The following XKR4 variants were observed in gnomAD, a reference collection of about 807,000 sequenced individuals.
XKR4 encodes XK-related protein 4.
XKR4 carries 12 observed loss-of-function variants against 53.9 expected under a neutral mutation model. The observed-to-expected ratio is 0.22, with a 90% confidence interval of 0.14 to 0.36. The LOEUF (loss-of-function observed/expected upper bound fraction) is 0.36, where lower values mean the gene tolerates loss of function less well. Among genes scored for constraint, XKR4 ranks in the 10% least tolerant of loss-of-function variants. The pLI is 1.00. For missense variants in XKR4, 799 were observed against 859.5 expected (o/e 0.93, Z 0.88); for synonymous variants, 354 against 362.4 (o/e 0.98, Z 0.26).
chr8:55,261,589 A>C (rs905910149), intron 1 of XKR4, among the ~76,000 whole-genome samples: 4 of 152,238 alleles, frequency 2.6e-5, no homozygotes, highest in African/African-American at 9.6e-5. Flanking sequence ...AATTGATGGA[A>C]GGTGGCCTTT....
At chr8:55,378,259 C>CA (rs1804178443) in intron 2 of XKR4, among the ~76,000 whole-genome samples, 1 of 152,180 alleles carries the variant, frequency 6.6e-6, no homozygotes, top group South Asian at 2.1e-4. Context: ...GTGGAAATGC[C>CA]AAAAAAGCAA....
intron 1 of XKR4, among the ~76,000 whole-genome samples, chr8:55,189,391 G>A (rs1817416366): frequency 6.6e-6 from 1 of 152,144 alleles, no homozygotes; most frequent in Admixed American, 6.5e-5. Flanking sequence ...GATACATTCT[G>A]AGAAATGCAT....
At chr8:55,165,331 ATAT>A (rs1477943089) in intron 1 of XKR4, among the ~76,000 whole-genome samples, 1 of 152,094 alleles carries the variant, frequency 6.6e-6, no homozygotes, top group East Asian at 1.9e-4. Context: ...ACCTTCATAC[ATAT>A]TATGCACCAT....
chr8:55,279,230 A>G (rs1017977966), intron 1 of XKR4, among the ~76,000 whole-genome samples: 2 of 152,178 alleles, frequency 1.3e-5, no homozygotes, highest in African/African-American at 2.4e-5. Flanking sequence ...CTTTCAAGTG[A>G]AGCTTGAAAA....
intron 1 of XKR4, among the ~76,000 whole-genome samples, chr8:55,308,275 T>C (rs192546095): frequency 6.6e-6 from 1 of 151,942 alleles, no homozygotes; most frequent in East Asian, 1.9e-4. Flanking sequence ...TGAAAATAAA[T>C]AAATAAAGAT....
At chr8:55,128,946 G>A (rs2129352830) in intron 1 of XKR4, among the ~76,000 whole-genome samples, 1 of 152,272 alleles carries the variant, frequency 6.6e-6, no homozygotes, top group Admixed American at 6.5e-5. Flanking sequence ...CCAACATTTT[G>A]TTTATAGGAT....
At chr8:55,301,549 A>T (rs547832296) in intron 1 of XKR4, among the ~76,000 whole-genome samples, 35 of 152,154 alleles carry the variant, frequency 2.3e-4, no homozygotes, top group South Asian at 1.4e-3. Flanking sequence ...TTTCTAGTTC[A>T]AGATCCCTGA....
intron 1 of XKR4, among the ~76,000 whole-genome samples, chr8:55,346,413 C>T (rs550759780): frequency 6.6e-6 from 1 of 152,148 alleles, no homozygotes; most frequent in Non-Finnish European, 1.5e-5. Flanking sequence ...CCTCAATTCA[C>T]ATAGTTTTTT....
intron 2 of XKR4, among the ~76,000 whole-genome samples, chr8:55,458,604 T>C: frequency 6.6e-6 from 1 of 152,154 alleles, no homozygotes. Context: ...TTATTGCCAA[T>C]GAAAGTGGCT....
At chr8:55,424,439 T>A (rs1337007964) in intron 2 of XKR4, among the ~76,000 whole-genome samples, 1 of 152,222 alleles carries the variant, frequency 6.6e-6, no homozygotes, top group Non-Finnish European at 1.5e-5. Context: ...ATTATGCACA[T>A]TTTACAGGCA....
intron 1 of XKR4, among the ~76,000 whole-genome samples, chr8:55,163,119 C>G (rs896666970): frequency 6.6e-6 from 1 of 152,210 alleles, no homozygotes; most frequent in African/African-American, 2.4e-5. Flanking sequence ...GAATGTCTCT[C>G]TCCCTAAAAT....
chr8:55,188,892 C>G (rs561252066), intron 1 of XKR4, among the ~76,000 whole-genome samples: 2 of 152,320 alleles, frequency 1.3e-5, no homozygotes, highest in South Asian at 4.1e-4. Context: ...AATACAGAAT[C>G]TATCCATAAC....
chr8:55,376,119 C>T (rs140325304), intron 2 of XKR4, among the ~76,000 whole-genome samples: 7 of 152,214 alleles, frequency 4.6e-5, no homozygotes, highest in East Asian at 1.9e-4. Flanking sequence ...TTTCTCTAAC[C>T]GTTCTATCAT....
At chr8:55,194,958 T>C (rs1340519757) in intron 1 of XKR4, among the ~76,000 whole-genome samples, 5 of 152,328 alleles carry the variant, frequency 3.3e-5, no homozygotes, top group East Asian at 3.9e-4. Flanking sequence ...CCATGATAGA[T>C]GTCTACGTGA....
chr8:55,254,269 T>C (rs1003279704), intron 1 of XKR4, among the ~76,000 whole-genome samples: 1 of 152,068 alleles, frequency 6.6e-6, no homozygotes. Context: ...AAAATGATTA[T>C]TCACTTGTAC....
intron 1 of XKR4, among the ~76,000 whole-genome samples, chr8:55,144,027 C>T (rs1211743577): frequency 5.3e-5 from 8 of 152,222 alleles, no homozygotes; most frequent in Admixed American, 6.5e-5. Flanking sequence ...TTCAAATCCT[C>T]ATTACTTCAG....
At chr8:55,393,171 C>T (rs573936279) in intron 2 of XKR4, among the ~76,000 whole-genome samples, 40 of 152,024 alleles carry the variant, frequency 2.6e-4, no homozygotes, top group East Asian at 2.5e-3. Flanking sequence ...AGACTGTCTT[C>T]GAATCATAAA....
chr8:55,247,858 T>TCTTTCTTTC (rs1554572236), intron 1 of XKR4, among the ~76,000 whole-genome samples: 44 of 97,786 alleles, frequency 4.5e-4, no homozygotes, highest in African/African-American at 1.4e-3. Context: ...TTTCTTTCTT[T>TCTTTCTTTC]TTTTTTTTTT....
In XKR4 at chr8:55,440,161, A is replaced by G. The variant is rs80125303; in HGVS notation, c.1006+82284A>G. Among the ~76,000 whole-genome samples, 1,464 of 152,330 alleles carry G rather than the reference A, an allele frequency of 9.6e-3. 24 individuals are homozygous for G. Among genetic ancestry groups the G allele is most frequent in the African/African-American group, 0.032 (1,348 of 41,582 alleles). On this transcript the variant is annotated intron_variant, in intron 2 of 2. Transcript: ENST00000327381. ...CAGAATATAGTATGTTTTAGTTACA[A>G]GAGTGAAATATATTTTCATAAAACA...
Sources: allele counts gnomAD v4.1 joint callset (sites outside exome capture counted in the v4.1 genomes callset), GRCh38; gene constraint gnomAD v4.1.1; transcripts MANE v1.5; gene names NCBI Gene and HGNC (gene_info 2026-07-23, HGNC 2026-07-21).